Variants in FKBP1B observed in about 807,000 individuals in gnomAD.
FKBP1B encodes peptidyl-prolyl cis-trans isomerase FKBP1B.
In FKBP1B, 4 loss-of-function variants were observed where a neutral mutation model predicts 13.5. That is an observed-to-expected ratio of 0.30 (90% confidence interval 0.15 to 0.68). The LOEUF (loss-of-function observed/expected upper bound fraction) is 0.68, where lower values mean the gene tolerates loss of function less well. Ranked by LOEUF, FKBP1B falls within the 30% of genes least tolerant of loss-of-function variation. FKBP1B has a pLI of 0.76. For synonymous variants in FKBP1B, 54 were observed against 53.6 expected (o/e 1.01, Z -0.03); for missense variants, 93 against 136.2 (o/e 0.68, Z 1.58).
chr2:24,060,988 G>A, intron 3 of FKBP1B, 62 bp downstream of exon 3: 2 of 1,222,586 alleles, frequency 1.6e-6, no homozygotes, highest in South Asian at 2.5e-5. Flanking sequence ...TCAGCACTCT[G>A]CCCTCCACCT....
chr2:24,037,325 A>G, the FKBP1B span, among the ~76,000 whole-genome samples: 1 of 152,248 alleles, frequency 6.6e-6, no homozygotes, highest in Non-Finnish European at 1.5e-5. Flanking sequence ...GCCCAGCAAC[A>G]TAACCTTTTT....
intron 2 of FKBP1B, chr2:24,054,293 C>T (rs937533670): frequency 4.4e-6 from 2 of 455,790 alleles, no homozygotes; most frequent in Non-Finnish European, 8.5e-6. Flanking sequence ...TCCTAGAGCT[C>T]CCCGCAGACT....
chr2:24,042,218 G>C, the FKBP1B span, among the ~76,000 whole-genome samples: 2 of 151,732 alleles, frequency 1.3e-5, no homozygotes, highest in Admixed American at 6.6e-5. Flanking sequence ...CCTGACCAAC[G>C]TGGAGAAACC....
At chr2:24,037,605 T>G in the FKBP1B span, 1 of 1,426,700 alleles carries the variant, frequency 7.0e-7, no homozygotes, top group Non-Finnish European at 9.4e-7. Context: ...TCCTCATCAA[T>G]ACGTTTCTTG....
the FKBP1B span, chr2:24,037,842 T>C: frequency 3.1e-6 from 5 of 1,614,206 alleles, no homozygotes; most frequent in Non-Finnish European, 4.2e-6. Flanking sequence ...AAGTTTCCTT[T>C]TCACTTTGTA....
In FKBP1B at chr2:24,049,745, TGG is replaced by T; in HGVS notation, c.-104_-103del. ...AGCCGCACCTCCTCCGGCTCTGCAGTGGCGGCGAGGAGGCGAGCCGGAGCGAC... is the reference window on the plus strand; with the variant it reads ...AGCCGCACCTCCTCCGGCTCTGCAGTCGGCGAGGAGGCGAGCCGGAGCGAC... On this transcript the variant is annotated 5_prime_UTR_variant, in exon 1 of 4. Coordinates refer to ENST00000380986, the MANE Select transcript of FKBP1B (RefSeq NM_004116.5). 1.1e-6 allele frequency: 1 copy of T among 922,280 alleles called. No individual in the cohort carries two copies. The highest frequency in any genetic ancestry group is 1.4e-6 in the Non-Finnish European group (1 of 694,886). The allele number at this position is 922,280 out of a possible 1,614,324, so 57.1% of individuals were successfully genotyped here.
At chr2:24,056,854 C>G (rs1664150674) in intron 2 of FKBP1B, among the ~76,000 whole-genome samples, 1 of 152,018 alleles carries the variant, frequency 6.6e-6, no homozygotes, top group Non-Finnish European at 1.5e-5. Flanking sequence ...CCGTGCCCGG[C>G]TAATTTTGAG....
intron 1 of FKBP1B, among the ~76,000 whole-genome samples, chr2:24,052,171 A>G (rs1436334290): frequency 1.3e-5 from 2 of 152,266 alleles, no homozygotes; most frequent in Admixed American, 6.5e-5. Context: ...CTCTGCTGCC[A>G]CCACCTTAAA....
the FKBP1B span, among the ~76,000 whole-genome samples, chr2:24,039,766 G>A: frequency 1.3e-5 from 2 of 152,234 alleles, no homozygotes; most frequent in Admixed American, 1.3e-4. Context: ...AGTATGGAAT[G>A]GATATCAGAA....
chr2:24,056,447 GATT>G (rs1664133001), intron 2 of FKBP1B, among the ~76,000 whole-genome samples: 1 of 151,634 alleles, frequency 6.6e-6, no homozygotes. Context: ...GGGTTCAAGC[GATT>G]CTTGTGCCTC....
the FKBP1B span, chr2:24,039,123 T>C: frequency 2.0e-5 from 32 of 1,614,182 alleles, no homozygotes; most frequent in South Asian, 3.2e-4. Context: ...GAATAGCACA[T>C]TTTGGGTGCC....
the FKBP1B span, chr2:24,033,257 G>A: frequency 8.6e-5 from 42 of 486,656 alleles, no homozygotes; most frequent in Admixed American, 8.1e-4. Flanking sequence ...ACAATCTGAC[G>A]GTAAGAACAC....
intron 3 of FKBP1B, 122 bp from the exon 4 acceptor site, chr2:24,062,941 TC>T: frequency 7.1e-7 from 1 of 1,412,236 alleles, no homozygotes; most frequent in East Asian, 2.4e-5. Context: ...GTAAAATTCA[TC>T]TGAGATCTTC....
At chr2:24,046,515 C>T (rs368306713), upstream of FKBP1B, among the ~76,000 whole-genome samples, 1 of 152,158 alleles carries the variant, frequency 6.6e-6, no homozygotes, top group African/African-American at 2.4e-5. Context: ...AAACTAAGAG[C>T]CGGTGCTCAG....
At chr2:24,044,414 C>T in the FKBP1B span, among the ~76,000 whole-genome samples, 1 of 151,952 alleles carries the variant, frequency 6.6e-6, no homozygotes, top group Non-Finnish European at 1.5e-5. Flanking sequence ...GGATAGGGGC[C>T]CACCACCATG....
At chr2:24,053,719 A>G (rs973674960) in intron 1 of FKBP1B, among the ~76,000 whole-genome samples, 183 bp from the exon 2 acceptor site, 2 of 152,128 alleles carry the variant, frequency 1.3e-5, no homozygotes, top group Admixed American at 1.3e-4. Context: ...AAGTAAATCC[A>G]GGCCAGAGAG....
intron 2 of FKBP1B, among the ~76,000 whole-genome samples, chr2:24,056,882 G>C (rs1573690342): frequency 6.6e-6 from 1 of 151,758 alleles, no homozygotes; most frequent in Admixed American, 6.6e-5. Context: ...GTAGAGACAG[G>C]GTTTCGCCAT....
At chr2:24,041,188 AATT>A in the FKBP1B span, among the ~76,000 whole-genome samples, 1 of 151,124 alleles carries the variant, frequency 6.6e-6, no homozygotes, top group African/African-American at 2.4e-5. Flanking sequence ...ATAATACAAA[AATT>A]AGCCGGGCAT....
At chr2:24,037,994 T>A in the FKBP1B span, 1 of 1,614,192 alleles carries the variant, frequency 6.2e-7, no homozygotes, top group Non-Finnish European at 8.5e-7. Context: ...GACAGAGGAC[T>A]CTGGATTTCT....
Sources: allele counts gnomAD v4.1 joint callset (sites outside exome capture counted in the v4.1 genomes callset), GRCh38; gene constraint gnomAD v4.1.1; transcripts MANE v1.5; gene names NCBI Gene and HGNC (gene_info 2026-07-23, HGNC 2026-07-21).